Variants in COG6 observed in about 807,000 individuals in gnomAD.
COG6 encodes conserved oligomeric Golgi complex subunit 6.
COG6 carries 74 observed loss-of-function variants against 88.8 expected under a neutral mutation model. The observed-to-expected ratio is 0.83, with a 90% CI of 0.69 to 1.01. The LOEUF (loss-of-function observed/expected upper bound fraction) is 1.01, where lower values mean the gene tolerates loss of function less well. Ranked by LOEUF, COG6 falls within the 50% of genes least tolerant of loss-of-function variation. The probability of loss-of-function intolerance (pLI) is 0.00; values close to 1 mark genes in which losing one functional copy is unlikely to be tolerated. For missense variants in COG6, 800 were observed against 797.9 expected (o/e 1.00, Z -0.03); for synonymous variants, 286 against 278.7 (o/e 1.03, Z -0.26).
intron 4 of COG6, among the ~76,000 whole-genome samples, chr13:39,671,520 C>G (rs948713034): frequency 8.6e-5 from 13 of 151,658 alleles, no homozygotes; most frequent in Non-Finnish European, 1.6e-4. Context: ...TTCATTCTAC[C>G]TGGAATTCCA....
chr13:39,693,098 T>C (rs1877074654), intron 11 of COG6, among the ~76,000 whole-genome samples: 1 of 151,972 alleles, frequency 6.6e-6, no homozygotes, highest in Admixed American at 6.6e-5. Context: ...TAAGACAGAG[T>C]GTTTATTTCT....
intron 18 of COG6, among the ~76,000 whole-genome samples, chr13:39,775,105 C>T (rs763796729): frequency 2.0e-5 from 3 of 152,114 alleles, no homozygotes; most frequent in East Asian, 1.9e-4. Context: ...GCTGGGAGGC[C>T]GTCAGGCATC....
chr13:39,775,927 G>A (rs866485622), intron 18 of COG6, among the ~76,000 whole-genome samples: 6 of 151,972 alleles, frequency 3.9e-5, no homozygotes, highest in Non-Finnish European at 7.4e-5. Flanking sequence ...GTGCCACCAC[G>A]CCTGGCTAAT....
chr13:39,682,273 CT>C lies in COG6; in HGVS notation c.788+14del. On this transcript the variant is annotated intron_variant, in intron 8 of 18. Transcript: ENST00000455146. ...AGACCTGTCTTATATAAGTTGGTGA[CT>C]TTTTCTTAATTAAAAATGAAAGCCT... 6.4e-7 allele frequency: 1 copy of C among 1,564,576 alleles called. No individual in the cohort carries two copies. Among genetic ancestry groups the C allele is most frequent in the South Asian group, 1.1e-5 (1 of 89,342 alleles).
chr13:39,732,754 T>G (rs965142561), intron 18 of COG6, among the ~76,000 whole-genome samples: 6 of 152,110 alleles, frequency 3.9e-5, no homozygotes, highest in Admixed American at 2.0e-4. Context: ...CTTAGAGAAT[T>G]GTGAGATAAT....
intron 18 of COG6, among the ~76,000 whole-genome samples, chr13:39,746,133 A>G (rs565321522): frequency 8.5e-5 from 13 of 152,162 alleles, no homozygotes; most frequent in African/African-American, 3.1e-4. Context: ...CCTAATGTAA[A>G]TGATGAGTAA....
chr13:39,715,271 C>CTCTCTG (rs1555279500), intron 13 of COG6, among the ~76,000 whole-genome samples: 5 of 49,602 alleles, frequency 1.0e-4, no homozygotes, highest in Admixed American at 3.3e-4. Context: ...CTCTCTCTCT[C>CTCTCTG]TATACACACA....
intron 15 of COG6, among the ~76,000 whole-genome samples, chr13:39,721,044 A>G (rs982159323): frequency 2.6e-5 from 4 of 152,076 alleles, no homozygotes; most frequent in Middle Eastern, 3.2e-3. Flanking sequence ...CCTTTCTTGG[A>G]TAACTTCTTC....
chr13:39,750,987 C>T lies in COG6; in HGVS notation c.1868C>T (p.Ala623Val), dbSNP rs775519969. Residue 623 changes from alanine (A) to valine (V), a missense_variant, in exon 19 of 19, where the codon GCC becomes GTC. Coordinates refer to ENST00000455146, the MANE Select transcript of COG6 (RefSeq NM_020751.3). ...CAATCTACAGAATTAGTCTGCAGAG[C>T]CTATGGTGAAGTGTATGCAGCCGTG... The part of the protein sequence containing the change: ...VKQSTELVCR[A>V]YGEVYAAVMN... 1.5e-5 allele frequency: 25 copies of T among 1,613,344 alleles called. No homozygotes were observed. The highest frequency in any genetic ancestry group is 1.1e-4 in the South Asian group (10 of 91,058).
In COG6 at chr13:39,659,002, A is replaced by G. The variant is rs9635096; in HGVS notation, c.154-362A>G. ...AACTGTTTCTATGCCTTGATGTTTC[A>G]CTTAACATATCTCAAAGCTTATACT... On this transcript the variant is annotated intron_variant, in intron 1 of 18. Transcript: ENST00000455146. Among the ~76,000 whole-genome samples, 131 of 152,192 alleles carry G rather than the reference A, an allele frequency of 8.6e-4. 3 individuals carry two copies. The East Asian group carries it at 0.018, about 21-fold the overall frequency.
At chr13:39,785,760 A>G (rs1403819697) in intron 18 of COG6, among the ~76,000 whole-genome samples, 10 of 152,198 alleles carry the variant, frequency 6.6e-5, no homozygotes, top group Non-Finnish European at 1.5e-5. Context: ...CTCATACAAC[A>G]TCTTGCTTTT....
chr13:39,724,483 CTTTTTT>C lies in COG6; in HGVS notation c.1693-12_1693-7del. On this transcript the variant is annotated intron_variant, in intron 16 of 18. Transcript: ENST00000455146. ...TCTCCTTTTTTACATCTTGGATCTG[CTTTTTT>C]TTTTTTTTTTTTAAATAGGGCTCTT... 5 of 1,283,366 alleles carry C rather than the reference CTTTTTT, an allele frequency of 3.9e-6. No homozygotes were observed. Among genetic ancestry groups the C allele is most frequent in the Non-Finnish European group, 5.4e-6 (5 of 927,044 alleles). The allele number at this position is 1,283,366 out of a possible 1,614,324, so 79.5% of individuals were successfully genotyped here.
At chr13:39,729,517 T>C (rs566505430) in intron 18 of COG6, among the ~76,000 whole-genome samples, 152 of 152,314 alleles carry the variant, frequency 1.0e-3, no homozygotes, top group African/African-American at 3.2e-3. Context: ...ATTCTTAATA[T>C]ATTATCCTTA....
chr13:39,727,580 A>G (rs1351246912), intron 18 of COG6, 32 bp downstream of exon 18: 1 of 1,422,808 alleles, frequency 7.0e-7, no homozygotes, highest in Non-Finnish European at 9.9e-7. Flanking sequence ...TAGTTGGTAA[A>G]GATTCACATA....
At chr13:39,741,026 A>G (rs1265240358) in intron 18 of COG6, among the ~76,000 whole-genome samples, 1 of 152,192 alleles carries the variant, frequency 6.6e-6, no homozygotes, top group Non-Finnish European at 1.5e-5. Context: ...TGTTATGGCA[A>G]CCAAAATCCT....
chr13:39,702,620 A>G (rs1375215073), intron 13 of COG6, among the ~76,000 whole-genome samples: 3 of 152,070 alleles, frequency 2.0e-5, no homozygotes, highest in Non-Finnish European at 2.9e-5. Context: ...TAATATTGAC[A>G]CACTAGTGGT....
intron 4 of COG6, among the ~76,000 whole-genome samples, chr13:39,666,393 C>T (rs1038429741): frequency 3.3e-5 from 5 of 151,964 alleles, no homozygotes; most frequent in African/African-American, 1.2e-4. Flanking sequence ...AGAAGGAGAT[C>T]CTGTCTCTAA....
rs746085866 is a variant in COG6, at chr13:39,655,852, C to T, written c.126C>T (p.Ile42=). 9.3e-6 allele frequency: 15 copies of T among 1,606,748 alleles called. No individual in the cohort carries two copies. The highest frequency in any genetic ancestry group is 1.2e-5 in the Non-Finnish European group (14 of 1,177,500). ...CGCTGTCGCGCAAGCTGCATAAGAT[C>T]CTGGAGACGCGGCTGGACAACGACA... is the stretch of plus-strand genomic sequence containing the variant. ...CNPLSRKLHK[I]LETRLDNDKE... is the part of the protein sequence containing the mutation. Residue 42 remains isoleucine (I), a synonymous_variant, in exon 1 of 19, where the codon ATC becomes ATT. Coordinates refer to ENST00000455146, the MANE Select transcript of COG6 (RefSeq NM_020751.3).
downstream of COG6, among the ~76,000 whole-genome samples, chr13:39,757,386 C>A (rs1266046118): frequency 6.6e-6 from 1 of 151,738 alleles, no homozygotes; most frequent in Non-Finnish European, 1.5e-5. Context: ...TTAACCTAAT[C>A]AATAACCTTA....
Sources: allele counts gnomAD v4.1 joint callset (sites outside exome capture counted in the v4.1 genomes callset), GRCh38; gene constraint gnomAD v4.1.1; transcripts MANE v1.5; gene names NCBI Gene and HGNC (gene_info 2026-07-23, HGNC 2026-07-21).